TNRC6A: variants seen among roughly 807,000 people sequenced by gnomAD.
The protein encoded by TNRC6A is trinucleotide repeat containing adaptor 6A.
Under a neutral mutation model 221.2 loss-of-function variants are expected in TNRC6A, and 44 were observed. The ratio of observed to expected loss-of-function variants is 0.20; its 90% CI spans 0.16 to 0.26. The LOEUF (loss-of-function observed/expected upper bound fraction) is 0.26. Ranked by LOEUF, TNRC6A falls within the 10% of genes least tolerant of loss-of-function variation. The pLI is 1.00. For missense variants in TNRC6A, 2,199 were observed against 2,404.4 expected (o/e 0.91, Z 1.79); for synonymous variants, 847 against 838.5 (o/e 1.01, Z -0.18).
At chr16:24,664,512 TATATA>T (rs939413912) in intron 2 of TNRC6A, among the ~76,000 whole-genome samples, 1 of 143,554 alleles carries the variant, frequency 7.0e-6, no homozygotes, top group African/African-American at 2.5e-5. Flanking sequence ...AATATAATAA[TATATA>T]ATAAATATAA....
rs2058155589 is a variant in TNRC6A at position 24,793,530 on chromosome 16, C to G, written c.3233C>G (p.Thr1078Ser). 1 of 1,556,082 alleles carries G rather than the reference C, an allele frequency of 6.4e-7. No homozygotes were observed. The highest frequency in any genetic ancestry group is 8.7e-7 in the Non-Finnish European group (1 of 1,149,470). ...CCAGCCACAACTGTGGATAATGGTA[C>G]TTCAGCATGGGGTAAGCCCATAGAC... ...STPATTVDNG[T>S]SAWGKPIDSG... The change falls in exon 7 of 25, where the codon ACT (threonine) becomes AGT (serine). Residue 1078 changes from threonine (T) to serine (S), a missense_variant. By Grantham distance (58) the Thr-to-Ser change is moderately conservative. This residue lies in a region of TNRC6A where 1,405 missense variants were observed against 1,400.2 expected (regional missense o/e 1.00). Transcript: ENST00000395799.
intron 15 of TNRC6A, 133 bp from the exon 16 acceptor site, chr16:24,806,073 C>A: frequency 1.1e-6 from 1 of 920,754 alleles, no homozygotes; most frequent in South Asian, 1.7e-5. Context: ...AGAGATGGTA[C>A]TAGATAATGC....
At chr16:24,650,304 A>T (rs931342671) in intron 2 of TNRC6A, among the ~76,000 whole-genome samples, 3 of 152,222 alleles carry the variant, frequency 2.0e-5, no homozygotes, top group Non-Finnish European at 2.9e-5. Context: ...CAAAGGTAAC[A>T]TGCAATTCAT....
intron 1 of TNRC6A, among the ~76,000 whole-genome samples, chr16:24,618,711 C>T (rs542580712): frequency 9.4e-5 from 13 of 138,768 alleles, no homozygotes; most frequent in African/African-American, 3.5e-4. Context: ...AGTACACTGG[C>T]GCAACCATGG....
intron 14 of TNRC6A, 47 bp from the exon 15 acceptor site, chr16:24,805,556 AGT>A: frequency 6.2e-7 from 1 of 1,607,640 alleles, no homozygotes; most frequent in Non-Finnish European, 8.5e-7. Context: ...ACGTGTAGTT[AGT>A]GTGAGTTATT....
At chr16:24,785,081 C>T (rs2057936664) in intron 5 of TNRC6A, among the ~76,000 whole-genome samples, 1 of 152,204 alleles carries the variant, frequency 6.6e-6, no homozygotes, top group African/African-American at 2.4e-5. Context: ...ATTTAAAATG[C>T]TAATCCTTGA....
chr16:24,823,681 C>G lies in TNRC6A; in HGVS notation c.5763C>G (p.Thr1921=). The change falls in exon 25 of 25, where the codon ACC becomes ACG. Residue 1921 remains threonine, a synonymous_variant. Coordinates refer to ENST00000395799, the MANE Select transcript of TNRC6A (RefSeq NM_014494.4). The surrounding 1 kb of genome is among the most constrained non-coding windows in gnomAD (Gnocchi z 4.3). The part of the protein sequence containing the change: ...GDLHGTSLWG[T]PHYSTSLWGP... ...TTCACGGCACTTCACTCTGGGGGAC[C>G]CCGCATTATTCCACAAGCCTGTGGG... is the stretch of plus-strand genomic sequence containing the variant. 6.2e-7 allele frequency: 1 copy of G among 1,609,518 alleles called. No homozygotes were observed. Among genetic ancestry groups the G allele is most frequent in the Non-Finnish European group, 8.5e-7 (1 of 1,177,050 alleles).
intron 12 of TNRC6A, 171 bp from the exon 13 acceptor site, chr16:24,804,534 T>G: frequency 8.7e-7 from 1 of 1,155,548 alleles, no homozygotes; most frequent in Non-Finnish European, 1.2e-6. Context: ...GAAATATGTT[T>G]GGCTCTTTTT....
chr16:24,758,260 T>G, intron 3 of TNRC6A, 79 bp from the exon 4 acceptor site: 1 of 1,397,818 alleles, frequency 7.2e-7, no homozygotes, highest in Non-Finnish European at 1.0e-6. Flanking sequence ...TATATTAATA[T>G]ATGAACATTT....
intron 5 of TNRC6A, among the ~76,000 whole-genome samples, chr16:24,781,758 A>C (rs552957822): frequency 6.6e-6 from 1 of 151,734 alleles, no homozygotes; most frequent in African/African-American, 2.4e-5. Flanking sequence ...CCTTGAAATC[A>C]TGCTTTACTC....
chr16:24,670,421 C>G (rs2055272038), intron 2 of TNRC6A, among the ~76,000 whole-genome samples: 1 of 152,160 alleles, frequency 6.6e-6, no homozygotes, highest in South Asian at 2.1e-4. Flanking sequence ...CCGCAAGGGT[C>G]TCCCAGATGC....
At chr16:24,653,536 G>A (rs1420753248) in intron 2 of TNRC6A, among the ~76,000 whole-genome samples, 1 of 152,172 alleles carries the variant, frequency 6.6e-6, no homozygotes, top group Non-Finnish European at 1.5e-5. Flanking sequence ...AGCACTTTGG[G>A]AGGCTGAGGC....
chr16:24,787,690 T>C lies in TNRC6A; in HGVS notation c.590-1542T>C, dbSNP rs1434147246. 3.3e-5 allele frequency among the ~76,000 whole-genome samples: 5 copies of C among 152,314 alleles called. No individual in the cohort carries two copies. In the East Asian group the frequency reaches 9.6e-4, roughly 29 times the overall value. ...TGGAAATTAGAGTCACTTATGGAACTTTGAAGTATATTATTTGATGCATTT... is the reference window on the plus strand; with the variant it reads ...TGGAAATTAGAGTCACTTATGGAACCTTGAAGTATATTATTTGATGCATTT... On this transcript the variant is annotated intron_variant, in intron 5 of 24. Transcript: ENST00000395799.
At chr16:24,784,117 T>A (rs2057914172) in intron 5 of TNRC6A, among the ~76,000 whole-genome samples, 1 of 152,132 alleles carries the variant, frequency 6.6e-6, no homozygotes, top group Non-Finnish European at 1.5e-5. Context: ...TTCTCCTTCC[T>A]CAGGCTCCTG....
chr16:24,764,284 A>G (rs745575665), intron 4 of TNRC6A, among the ~76,000 whole-genome samples: 5 of 151,672 alleles, frequency 3.3e-5, no homozygotes, highest in Non-Finnish European at 7.4e-5. Flanking sequence ...TAAAAGCTGA[A>G]TAATATTCCT....
rs1156397075 is a variant in TNRC6A at position 24,758,445 on chromosome 16, A to G, written c.163+85A>G. The G allele has an allele frequency of 2.2e-6, 3 of 1,379,684 alleles. No homozygotes were observed. In the African/African-American group the frequency reaches 4.3e-5, roughly 20 times the overall value. The allele number at this position is 1,379,684 out of a possible 1,614,324, so 85.5% of individuals were successfully genotyped here. On this transcript the variant is annotated intron_variant, in intron 4 of 24. Transcript: ENST00000395799. Reference sequence around the variant, plus strand: ...CATTTTTGTTCACCTCAAGGATGGGAGAGAGAAGAGCATGAAAGAAGCGGT... The same window carrying G: ...CATTTTTGTTCACCTCAAGGATGGGGGAGAGAAGAGCATGAAAGAAGCGGT...
chr16:24,670,904 C>T lies in TNRC6A; in HGVS notation n.402+29895C>T, dbSNP rs149070563. ...CCGTTTCTCTCACCTCCCCCACTCC[C>T]GCCAGCCCCCACACTTCCTTACATG... On this transcript the variant is annotated intron_variant and non_coding_transcript_variant, in intron 2 of 2. Transcript: ENST00000566108. 2.4e-4 allele frequency: 68 copies of T among 279,696 alleles called. No homozygotes were observed. The East Asian group carries it at 7.5e-3, about 31-fold the overall frequency. The allele number at this position is 279,696 out of a possible 1,614,324, so 17.3% of individuals were successfully genotyped here.
intron 2 of TNRC6A, among the ~76,000 whole-genome samples, chr16:24,658,814 C>CT (rs532397304): frequency 2.7e-4 from 40 of 150,418 alleles, no homozygotes; most frequent in East Asian, 2.5e-3. Context: ...TTTTCTTTTT[C>CT]TTTTTTTTTG....
At chr16:24,689,989 TAAAAAAAAAAAAAAAAA>T (rs60944175) in intron 2 of TNRC6A, among the ~76,000 whole-genome samples, 4 of 97,478 alleles carry the variant, frequency 4.1e-5, no homozygotes, top group African/African-American at 7.2e-5. Context: ...AGGCTTAAAG[TAAAAAAAAAAAAAAAAA>T]AAAAAAAAAA....
Sources: allele counts gnomAD v4.1 joint callset (sites outside exome capture counted in the v4.1 genomes callset), GRCh38; gene constraint gnomAD v4.1.1; regional missense constraint gnomAD v4.1.1; non-coding constraint Gnocchi (gnomAD v3.1); transcripts MANE v1.5; gene names NCBI Gene and HGNC (gene_info 2026-07-23, HGNC 2026-07-21).